TUT4: variants seen among roughly 807,000 people sequenced by gnomAD.
The protein encoded by TUT4 is terminal uridylyltransferase 4.
In TUT4, 36 loss-of-function variants were observed where a neutral mutation model predicts 192.2. That is an observed-to-expected ratio of 0.19 (90% CI 0.14 to 0.25). TUT4 has a LOEUF of 0.25. TUT4 is among the 10% of genes least tolerant of loss of function. The probability of loss-of-function intolerance (pLI) is 1.00; values close to 1 mark genes in which losing one functional copy is unlikely to be tolerated. For synonymous variants in TUT4, 618 were observed against 666.0 expected (o/e 0.93, Z 1.11); for missense variants, 1,493 against 1,957.2 (o/e 0.76, Z 4.47).
chr1:52,481,843 C>G lies in TUT4; in HGVS notation c.1596G>C (p.Gln532His). Reference sequence around the variant, plus strand: ...AGCAAGGAAGAAGAGGGGGTTTTCTCTGTTGTAGAAAAAACATCACCATTA... The same window carrying G: ...AGCAAGGAAGAAGAGGGGGTTTTCTGTGTTGTAGAAAAAACATCACCATTA... Reference protein sequence around the residue: ...FALMVMFFLQQRKPPLLPCLL... With the variant: ...FALMVMFFLQHRKPPLLPCLL... The change falls in exon 10 of 30, where the codon CAG (glutamine) becomes CAC (histidine). Residue 532 changes from glutamine (Q) to histidine (H), a missense_variant. Physicochemically the swap from Gln to His is conservative, Grantham distance 24. Transcript: ENST00000257177. 6.3e-7 allele frequency: 1 copy of G among 1,596,916 alleles called. No homozygotes were observed. Among genetic ancestry groups the G allele is most frequent in the Non-Finnish European group, 8.5e-7 (1 of 1,175,716 alleles).
Position 52,477,725 on chromosome 1 carries a change from C to T in TUT4, c.2006G>A (p.Arg669Lys). 1.2e-6 allele frequency: 2 copies of T among 1,608,636 alleles called. No homozygotes were observed. Among genetic ancestry groups the T allele is most frequent in the Non-Finnish European group, 1.7e-6 (2 of 1,178,494 alleles). Residue 669 changes from arginine to lysine, a missense_variant, in exon 12 of 30, where the codon AGG (arginine) becomes AAG (lysine). Arg to Lys is a conservative substitution (Grantham distance 26). Around this residue, in one of 7 missense-constraint regions of TUT4, gnomAD observed 437 missense variants for 577.6 expected, o/e 0.76. Coordinates refer to ENST00000257177, the MANE Select transcript of TUT4 (RefSeq NM_001009881.3). ...CATCTCACCTTCAATGGCTATTCGC[C>T]TTTTAGGCCAGTTTTTATTTTCTCT... ...LTRENKNWPKRRIAIEDPFSV... is the reference protein window; with the variant it reads ...LTRENKNWPKKRIAIEDPFSV...
chr1:52,499,687 T>C (rs928905595), intron 4 of TUT4, among the ~76,000 whole-genome samples: 4 of 151,812 alleles, frequency 2.6e-5, no homozygotes, highest in Non-Finnish European at 5.9e-5. Context: ...TGAAATGAGA[T>C]TGCACCACTG....
At chr1:52,489,152 C>G in intron 8 of TUT4, 117 bp from the exon 9 acceptor site, 1 of 1,020,806 alleles carries the variant, frequency 9.8e-7, no homozygotes, top group East Asian at 3.0e-5. Flanking sequence ...CCGTAAAAGC[C>G]CTAATAAAAA....
chr1:52,540,218 CAA>C (rs1329351412), intron 1 of TUT4, among the ~76,000 whole-genome samples: 8 of 100,380 alleles, frequency 8.0e-5, no homozygotes, highest in Admixed American at 1.1e-4. Flanking sequence ...GACTCTGTCT[CAA>C]AAAAAAAAAA....
At chr1:52,525,430 G>T in intron 2 of TUT4, 133 bp downstream of exon 2, 1 of 1,142,298 alleles carries the variant, frequency 8.8e-7, no homozygotes, top group Non-Finnish European at 1.2e-6. Context: ...TATTATTAAT[G>T]TGGATGTTTT....
Position 52,525,579 on chromosome 1 carries a change from G to A in TUT4, c.702C>T (p.Asp234=), listed in dbSNP as rs752753267. The A allele has an allele frequency of 2.5e-5, 40 of 1,608,624 alleles. No homozygotes were observed. The highest frequency in any genetic ancestry group is 5.4e-5 in the African/African-American group (4 of 74,734). ...DSDDSASGIE[D]VSDDLSKMKN... ...ATGACTTACTTAAATCGTCCGATAC[G>A]TCTTCAATTCCTGAAGCACTATCAT... is the stretch of plus-strand genomic sequence containing the variant. The change falls in exon 2 of 30, where the codon GAC becomes GAT. Residue 234 remains aspartate (D), a synonymous_variant. Transcript: ENST00000257177.
Position 52,488,951 on chromosome 1 carries a change from A to G in TUT4, c.1473T>C (p.Pro491=). ...AGGCTAACACCAAGGGAATAAAGAC[A>G]GGTTCTATTTTGCCAAGGGCAGTAA... ...DLLTALGKIE[P]VFIPLVLAFR... is the part of the protein sequence containing the mutation. The change falls in exon 9 of 30, where the codon CCT becomes CCC. Residue 491 remains proline, a synonymous_variant. Coordinates refer to ENST00000257177, the MANE Select transcript of TUT4 (RefSeq NM_001009881.3). The G allele has an allele frequency of 6.2e-7, 1 of 1,613,912 alleles. No homozygotes were observed. The highest frequency in any genetic ancestry group is 8.5e-7 in the Non-Finnish European group (1 of 1,179,886).
chr1:52,476,646 AAG>A (rs776916872), intron 12 of TUT4, among the ~76,000 whole-genome samples: 7 of 152,056 alleles, frequency 4.6e-5, no homozygotes, highest in Non-Finnish European at 1.0e-4. Context: ...AAGAAAATGA[AAG>A]AGGGGGGGAA....
At chr1:52,435,537 C>T in intron 26 of TUT4, 72 bp from the exon 27 acceptor site, 4 of 1,140,376 alleles carry the variant, frequency 3.5e-6, no homozygotes, top group Middle Eastern at 2.0e-4. Flanking sequence ...AATAAACTCC[C>T]TTCTTATGTA....
intron 7 of TUT4, among the ~76,000 whole-genome samples, chr1:52,491,285 A>AAACTT (rs1671082763): frequency 6.6e-6 from 1 of 152,130 alleles, no homozygotes. Context: ...GAGTTTGCCT[A>AAACTT]ATCAAAGCTG....
intron 1 of TUT4, among the ~76,000 whole-genome samples, chr1:52,543,482 A>ATTTTT (rs60108324): frequency 7.4e-6 from 1 of 134,980 alleles, no homozygotes; most frequent in Admixed American, 7.3e-5. Flanking sequence ...AAAAGACTTA[A>ATTTTT]TTTTTTTTTT....
At position 52,509,661 on chromosome 1, in the gene TUT4, G is replaced by T; in HGVS notation, c.934C>A (p.His312Asn). 6 of 1,612,386 alleles carry T rather than the reference G, an allele frequency of 3.7e-6. No individual in the cohort carries two copies. Among genetic ancestry groups the T allele is most frequent in the Non-Finnish European group, 4.2e-6 (5 of 1,178,832 alleles). ...CRYLCKLCLI[H>N]IENIQGAHKH... Reference sequence around the variant, plus strand: ...TGAGCCCCCTGGATATTTTCAATGTGAATTAAGCAAAGTTTGCATAGATAC... The same window carrying T: ...TGAGCCCCCTGGATATTTTCAATGTTAATTAAGCAAAGTTTGCATAGATAC... The change falls in exon 4 of 30, where the codon CAC becomes AAC. Residue 312 changes from histidine to asparagine, a missense_variant. By Grantham distance (68) the His-to-Asn change is moderately conservative. Transcript: ENST00000257177.
intron 19 of TUT4, chr1:52,460,854 T>C (rs1662359011): frequency 1.3e-5 from 3 of 235,324 alleles, no homozygotes; most frequent in Admixed American, 5.4e-5. Context: ...TAGGATGATA[T>C]GCCAACTCCC....
rs367994717 is a variant in TUT4 at position 52,475,419 on chromosome 1, C to A, written c.2140G>T (p.Gly714Cys). ...YRYFACPQTK[G>C]GNKSTVDFKK... is the part of the protein sequence containing the mutation. Reference sequence around the variant, plus strand: ...AAATCCACTGTAGACTTATTTCCACCCTTCGTCTGAGGACAGGCAAAATAC... The same window carrying A: ...AAATCCACTGTAGACTTATTTCCACACTTCGTCTGAGGACAGGCAAAATAC... Residue 714 changes from glycine to cysteine, a missense_variant, in exon 13 of 30, where the codon GGT becomes TGT. Coordinates refer to ENST00000257177, the MANE Select transcript of TUT4 (RefSeq NM_001009881.3). 1.2e-5 allele frequency: 19 copies of A among 1,613,974 alleles called. No individual in the cohort carries two copies. In the African/African-American group the frequency reaches 2.5e-4, roughly 22 times the overall value.
intron 14 of TUT4, among the ~76,000 whole-genome samples, chr1:52,470,065 C>T (rs1012941516): frequency 1.3e-5 from 2 of 152,038 alleles, no homozygotes; most frequent in Admixed American, 6.5e-5. Flanking sequence ...TCTCATTCTC[C>T]AATAAAAGGA....
chr1:52,527,105 C>T (rs1682002390), intron 1 of TUT4, among the ~76,000 whole-genome samples: 1 of 152,196 alleles, frequency 6.6e-6, no homozygotes, highest in African/African-American at 2.4e-5. Context: ...ATCTTGCCCA[C>T]AAGACTTTAC....
intron 9 of TUT4, among the ~76,000 whole-genome samples, chr1:52,486,515 CT>C (rs1669831020): frequency 6.6e-6 from 1 of 151,850 alleles, no homozygotes; most frequent in African/African-American, 2.4e-5. Context: ...AAAATGCGTG[CT>C]TAACTAGATA....
At chr1:52,458,580 G>A (rs907915886) in intron 19 of TUT4, 131 bp from the exon 20 acceptor site, 7 of 579,054 alleles carry the variant, frequency 1.2e-5, no homozygotes, top group African/African-American at 3.8e-5. Flanking sequence ...AAACTGCACC[G>A]TCTATAATCC....
chr1:52,461,777 A>G lies in TUT4; in HGVS notation c.3070-8T>C. The G allele has an allele frequency of 7.5e-7, 1 of 1,340,346 alleles. No homozygotes were observed. The highest frequency in any genetic ancestry group is 1.0e-6 in the Non-Finnish European group (1 of 973,440). 83.0% of individuals were successfully genotyped at this position (1,340,346 alleles called of 1,614,324 possible). A position where few individuals can be genotyped will look rare whatever the true frequency, so the allele number is the denominator to read the frequency against. On this transcript the variant is annotated splice_polypyrimidine_tract_variant and splice_region_variant and intron_variant, in intron 16 of 29. Transcript: ENST00000257177. ...TTCCTTACAATTTAATTTCTAAAAA[A>G]CAAATCAAATAAATAAGTTTGACTC...
Sources: allele counts gnomAD v4.1 joint callset (sites outside exome capture counted in the v4.1 genomes callset), GRCh38; gene constraint gnomAD v4.1.1; regional missense constraint gnomAD v4.1.1; transcripts MANE v1.5; gene names NCBI Gene and HGNC (gene_info 2026-07-23, HGNC 2026-07-21).